SH3PXD2A: variants seen among roughly 807,000 people sequenced by gnomAD.
SH3PXD2A encodes the protein SH3 and PX domains 2A, also known as SH3 and PX domain-containing protein 2A.
Under a neutral mutation model 115.2 loss-of-function variants are expected in SH3PXD2A, and 32 were observed. The observed-to-expected ratio is 0.28, with a 90% CI of 0.21 to 0.37. The LOEUF (loss-of-function observed/expected upper bound fraction) is 0.37. Among genes scored for constraint, SH3PXD2A ranks in the 10% least tolerant of loss-of-function variants. The probability of loss-of-function intolerance (pLI) is 1.00; values close to 1 mark genes in which losing one functional copy is unlikely to be tolerated. For missense variants in SH3PXD2A, 1,328 were observed against 1,498.7 expected (o/e 0.89, Z 1.88); for synonymous variants, 610 against 629.1 (o/e 0.97, Z 0.45).
intron 2 of SH3PXD2A, among the ~76,000 whole-genome samples, chr10:103,783,834 C>T (rs527460026): frequency 3.3e-5 from 5 of 152,336 alleles, no homozygotes; most frequent in South Asian, 2.1e-4. Context: ...AAATAAACCT[C>T]GGGCAGTGTT....
intron 1 of SH3PXD2A, among the ~76,000 whole-genome samples, chr10:103,823,146 G>T (rs887023581): frequency 3.3e-5 from 5 of 152,168 alleles, no homozygotes; most frequent in African/African-American, 1.2e-4. Flanking sequence ...GATGTTTTTG[G>T]CAGGATCCAT....
intron 6 of SH3PXD2A, among the ~76,000 whole-genome samples, chr10:103,677,740 G>T (rs2037557505): frequency 6.6e-6 from 1 of 152,100 alleles, no homozygotes; most frequent in South Asian, 2.1e-4. Context: ...GTTCCTTCAA[G>T]GCCTTATCCC....
In SH3PXD2A at chr10:103,603,061, C is replaced by T. The variant is rs762894398; in HGVS notation, c.2157G>A (p.Lys719=). 5 of 1,613,590 alleles carry T rather than the reference C, an allele frequency of 3.1e-6. No homozygotes were observed. Among genetic ancestry groups the T allele is most frequent in the Non-Finnish European group, 4.2e-6 (5 of 1,180,052 alleles). ...SSLSKTSGDL[K]PRSASDAGIR... is the part of the protein sequence containing the mutation. ...TGCCTGCGTCCGAAGCAGAGCGGGG[C>T]TTCAGGTCGCCACTGGTTTTGGACA... The change falls in exon 15 of 15, where the codon AAG becomes AAA. Residue 719 remains lysine (K), a synonymous_variant. Coordinates refer to ENST00000369774, the MANE Select transcript of SH3PXD2A (RefSeq NM_001394015.1).
intron 8 of SH3PXD2A, among the ~76,000 whole-genome samples, chr10:103,660,403 C>T (rs2037276563): frequency 6.6e-6 from 1 of 152,188 alleles, no homozygotes; most frequent in Non-Finnish European, 1.5e-5. Context: ...CTTGCCTGGC[C>T]CAGGCCTGGC....
intron 13 of SH3PXD2A, among the ~76,000 whole-genome samples, chr10:103,611,323 T>G (rs939898778): frequency 6.6e-6 from 1 of 152,248 alleles, no homozygotes; most frequent in African/African-American, 2.4e-5. Context: ...TGTCTGCCAA[T>G]GCAGTGGCTG....
chr10:103,763,414 T>C lies in SH3PXD2A; in HGVS notation c.229+3680A>G, dbSNP rs913708899. 1.3e-5 allele frequency among the ~76,000 whole-genome samples: 2 copies of C among 152,190 alleles called. 1 individual carries two copies. The highest frequency in any genetic ancestry group is 1.3e-4 in the Admixed American group (2 of 15,278). On this transcript the variant is annotated intron_variant, in intron 3 of 14. Coordinates refer to ENST00000369774, the MANE Select transcript of SH3PXD2A (RefSeq NM_001394015.1). ...ATAGGTGCTCTCTGCTTCCACCCCT[T>C]GGGATTTCCTTGCTCTGAAATTTCA... is the stretch of plus-strand genomic sequence containing the variant.
Position 103,735,725 on chromosome 10 carries a change from C to G in SH3PXD2A, c.306+7G>C. On this transcript the variant is annotated splice_region_variant and intron_variant, in intron 4 of 14. Coordinates refer to ENST00000369774, the MANE Select transcript of SH3PXD2A (RefSeq NM_001394015.1). ...AGCCCCTCCCCCAGCCCCAGATACA[C>G]TCTCACCCGGCAGTATTCATCGATG... is the stretch of plus-strand genomic sequence containing the variant. The G allele has an allele frequency of 6.3e-7, 1 of 1,579,244 alleles. No individual in the cohort carries two copies. Among genetic ancestry groups the G allele is most frequent in the Non-Finnish European group, 8.7e-7 (1 of 1,149,556 alleles).
intron 3 of SH3PXD2A, among the ~76,000 whole-genome samples, chr10:103,742,006 G>A (rs543273213): frequency 1.3e-5 from 2 of 152,210 alleles, no homozygotes; most frequent in South Asian, 2.1e-4. Flanking sequence ...AAAATCAGCC[G>A]GGCATGGTGG....
chr10:103,640,137 A>G (rs1205180312), intron 8 of SH3PXD2A, among the ~76,000 whole-genome samples: 1 of 152,190 alleles, frequency 6.6e-6, no homozygotes, highest in Admixed American at 6.5e-5. Context: ...CAACATGGCG[A>G]AACCCCGTTT....
At chr10:103,757,913 G>C (rs1267866288) in intron 3 of SH3PXD2A, among the ~76,000 whole-genome samples, 1 of 152,230 alleles carries the variant, frequency 6.6e-6, no homozygotes, top group Non-Finnish European at 1.5e-5. Context: ...AGCTGACTCA[G>C]CACAGAGTGG....
intron 5 of SH3PXD2A, among the ~76,000 whole-genome samples, chr10:103,715,750 C>A (rs1021170225): frequency 6.6e-6 from 1 of 152,252 alleles, no homozygotes; most frequent in Non-Finnish European, 1.5e-5. Flanking sequence ...CCTTCCCGAA[C>A]AGGCCAGACC....
chr10:103,677,535 T>C (rs1218304227), intron 6 of SH3PXD2A, among the ~76,000 whole-genome samples: 1 of 152,128 alleles, frequency 6.6e-6, no homozygotes, highest in Non-Finnish European at 1.5e-5. Context: ...GGAGAATTCA[T>C]TCCTGGACTG....
chr10:103,704,190 A>G (rs148703890), intron 5 of SH3PXD2A, among the ~76,000 whole-genome samples: 1 of 152,262 alleles, frequency 6.6e-6, no homozygotes, highest in Non-Finnish European at 1.5e-5. Flanking sequence ...AGGGGAAATG[A>G]CAGAACCACC....
At chr10:103,670,533 C>T (rs975136019) in intron 6 of SH3PXD2A, among the ~76,000 whole-genome samples, 13 of 152,136 alleles carry the variant, frequency 8.5e-5, no homozygotes, top group Admixed American at 2.6e-4. Context: ...ATCATGCCCC[C>T]GGCCTGCAAG....
At chr10:103,801,882 T>G (rs1187980345) in intron 1 of SH3PXD2A, among the ~76,000 whole-genome samples, 1 of 152,158 alleles carries the variant, frequency 6.6e-6, no homozygotes, top group Middle Eastern at 3.2e-3. Context: ...TTTGGTATTT[T>G]TAGTAGAGAC....
intron 10 of SH3PXD2A, among the ~76,000 whole-genome samples, chr10:103,621,923 T>C (rs2036611125): frequency 6.6e-6 from 1 of 152,236 alleles, no homozygotes; most frequent in Non-Finnish European, 1.5e-5. Flanking sequence ...TGCACCCTGA[T>C]GCCAGGCTGG....
intron 1 of SH3PXD2A, among the ~76,000 whole-genome samples, chr10:103,824,063 C>A (rs1020556546): frequency 6.6e-6 from 1 of 152,156 alleles, no homozygotes; most frequent in Admixed American, 6.5e-5. Flanking sequence ...TATTGGCTTG[C>A]GGGGCTATTT....
intron 1 of SH3PXD2A, among the ~76,000 whole-genome samples, chr10:103,808,323 C>A (rs2039228773): frequency 6.6e-6 from 1 of 151,850 alleles, no homozygotes; most frequent in East Asian, 1.9e-4. Flanking sequence ...GTGATCTCAG[C>A]TCACTGCAAC....
chr10:103,827,987 G>C (rs1160316539), intron 1 of SH3PXD2A, among the ~76,000 whole-genome samples: 1 of 152,194 alleles, frequency 6.6e-6, no homozygotes, highest in Non-Finnish European at 1.5e-5. Flanking sequence ...AGCCTGGCCT[G>C]GTTCCCTGTG....
Sources: allele counts gnomAD v4.1 joint callset (sites outside exome capture counted in the v4.1 genomes callset), GRCh38; gene constraint gnomAD v4.1.1; transcripts MANE v1.5; gene names NCBI Gene and HGNC (gene_info 2026-07-23, HGNC 2026-07-21).